The following RALGPS1 variants were observed in gnomAD, a reference collection of about 807,000 sequenced individuals.
RALGPS1 encodes Ral GEF with PH domain and SH3 binding motif 1.
A neutral mutation model predicts 78.8 loss-of-function variants in RALGPS1; 19 were observed. The ratio of observed to expected loss-of-function variants is 0.24; its 90% CI spans 0.17 to 0.35. The LOEUF is 0.35. Ranked by LOEUF, RALGPS1 falls within the 10% of genes least tolerant of loss-of-function variation. The pLI, the probability that RALGPS1 is intolerant of heterozygous loss-of-function variation, is 1.00. For synonymous variants in RALGPS1, 228 were observed against 256.3 expected, an observed-to-expected ratio of 0.89 and a Z score of 1.06; for missense variants, 454 against 688.3, an observed-to-expected ratio of 0.66 and a Z score of 3.81.
chr9:127,109,159 T>C (rs552037012), intron 8 of RALGPS1, among the ~76,000 whole-genome samples: 118 of 152,322 alleles, frequency 7.7e-4, no homozygotes, highest in African/African-American at 2.7e-3. Context: ...TTCTGGTCTC[T>C]CTCTTCTGCT....
chr9:127,039,095 T>C (rs1038894392), intron 5 of RALGPS1, among the ~76,000 whole-genome samples: 1 of 152,062 alleles, frequency 6.6e-6, no homozygotes, highest in Admixed American at 6.5e-5. Flanking sequence ...AGCCTGGAGA[T>C]GCAAATATTG....
chr9:127,210,735 G>A, intron 14 of RALGPS1: 1 of 1,550,704 alleles, frequency 6.4e-7, no homozygotes, highest in Non-Finnish European at 8.7e-7. Context: ...CAACTGGCGG[G>A]TTCCAGTTAG....
chr9:126,989,963 T>G, intron 4 of RALGPS1: 1 of 1,550,534 alleles, frequency 6.4e-7, no homozygotes, highest in Non-Finnish European at 8.7e-7. Context: ...CATGACACGT[T>G]GCAGTTCAGG....
At chr9:127,046,446 T>C (rs60389656) in intron 5 of RALGPS1, among the ~76,000 whole-genome samples, 7,537 of 152,192 alleles carry the variant, frequency 0.05, 636 homozygotes, top group African/African-American at 0.17. Context: ...AGGTAAATAT[T>C]CTAGGGAGAC....
At chr9:127,161,250 C>G (rs1292353231) in intron 8 of RALGPS1, among the ~76,000 whole-genome samples, 1 of 152,246 alleles carries the variant, frequency 6.6e-6, no homozygotes, top group African/African-American at 2.4e-5. Context: ...CAGCTGGGCT[C>G]ATTCCTCCCA....
chr9:127,103,154 CAT>C (rs2136915197), intron 8 of RALGPS1, among the ~76,000 whole-genome samples: 1 of 152,388 alleles, frequency 6.6e-6, no homozygotes, highest in Admixed American at 6.5e-5. Flanking sequence ...GCTACAACAT[CAT>C]ATATTTCTCT....
intron 4 of RALGPS1, among the ~76,000 whole-genome samples, chr9:127,008,021 G>A (rs1028907888): frequency 1.3e-5 from 2 of 152,084 alleles, no homozygotes; most frequent in Admixed American, 6.5e-5. Context: ...CATAGATGCA[G>A]GAATGTCTAG....
intron 11 of RALGPS1, among the ~76,000 whole-genome samples, chr9:127,182,394 C>T: frequency 7.1e-6 from 1 of 141,120 alleles, no homozygotes; most frequent in South Asian, 2.5e-4. Flanking sequence ...CCCTCCCTCC[C>T]TCCCTTCCTT....
intron 7 of RALGPS1, among the ~76,000 whole-genome samples, chr9:127,064,818 C>G (rs1014090388): frequency 9.2e-5 from 14 of 152,176 alleles, no homozygotes; most frequent in Non-Finnish European, 1.8e-4. Flanking sequence ...AAGTAGTAAA[C>G]TATGAATAAC....
intron 11 of RALGPS1, among the ~76,000 whole-genome samples, chr9:127,192,067 T>C (rs1015225922): frequency 2.0e-5 from 3 of 152,218 alleles, no homozygotes; most frequent in African/African-American, 7.2e-5. Flanking sequence ...TCATGGATGA[T>C]TTCAAGCAAG....
At chr9:127,090,876 T>C (rs536240639) in intron 8 of RALGPS1, among the ~76,000 whole-genome samples, 9 of 152,220 alleles carry the variant, frequency 5.9e-5, no homozygotes, top group Admixed American at 2.0e-4. Context: ...TGTGGGAGGC[T>C]GATATCTGGA....
At chr9:127,035,861 T>C (rs1242646997) in intron 5 of RALGPS1, among the ~76,000 whole-genome samples, 1 of 152,210 alleles carries the variant, frequency 6.6e-6, no homozygotes, top group East Asian at 1.9e-4. Flanking sequence ...CTTTTTTCTT[T>C]GTTTTGAAAA....
chr9:127,002,592 C>A (rs1473354129), intron 4 of RALGPS1, among the ~76,000 whole-genome samples: 1 of 109,386 alleles, frequency 9.1e-6, no homozygotes, highest in African/African-American at 3.4e-5. Context: ...GCTATCCCTC[C>A]CCCCTCCCCC....
intron 8 of RALGPS1, among the ~76,000 whole-genome samples, chr9:127,156,280 T>C (rs564696537): frequency 6.6e-6 from 1 of 152,318 alleles, no homozygotes; most frequent in East Asian, 1.9e-4. Flanking sequence ...ATTGCTGCAA[T>C]TTGTAGTAGT....
At chr9:126,969,268 G>A (rs1228315346) in intron 3 of RALGPS1, among the ~76,000 whole-genome samples, 1 of 152,124 alleles carries the variant, frequency 6.6e-6, no homozygotes, top group African/African-American at 2.4e-5. Flanking sequence ...TCACTATGTT[G>A]CCCAGGCTAG....
intron 8 of RALGPS1, among the ~76,000 whole-genome samples, chr9:127,134,668 A>C (rs1295922035): frequency 6.6e-6 from 1 of 152,052 alleles, no homozygotes; most frequent in African/African-American, 2.4e-5. Context: ...CCCTAAACTG[A>C]CTCAGATCTT....
chr9:127,037,702 G>C (rs2046974650), intron 5 of RALGPS1, among the ~76,000 whole-genome samples: 1 of 152,218 alleles, frequency 6.6e-6, no homozygotes, highest in Non-Finnish European at 1.5e-5. Flanking sequence ...TTCCAGGCTT[G>C]TATCATATTC....
At chr9:127,044,638 C>T (rs1319398690) in intron 5 of RALGPS1, among the ~76,000 whole-genome samples, 3 of 152,110 alleles carry the variant, frequency 2.0e-5, no homozygotes, top group African/African-American at 7.2e-5. Flanking sequence ...GAGTATATTG[C>T]ATGATGCTGA....
intron 14 of RALGPS1, among the ~76,000 whole-genome samples, chr9:127,200,408 A>T (rs1588522622): frequency 6.6e-6 from 1 of 152,346 alleles, no homozygotes; most frequent in South Asian, 2.1e-4. Context: ...ATACATGTGG[A>T]AAACAAGGCT....
Sources: allele counts gnomAD v4.1 joint callset (sites outside exome capture counted in the v4.1 genomes callset), GRCh38; gene constraint gnomAD v4.1.1; transcripts MANE v1.5; gene names NCBI Gene and HGNC (gene_info 2026-07-23, HGNC 2026-07-21).